ANKRD36: variants seen among roughly 807,000 people sequenced by gnomAD.
ANKRD36 encodes the protein ankyrin repeat domain-containing protein 36A.
A neutral mutation model predicts 278.1 loss-of-function variants in ANKRD36; 179 were observed. The ratio of observed to expected loss-of-function variants is 0.64; its 90% CI spans 0.57 to 0.73. The LOEUF (loss-of-function observed/expected upper bound fraction) is 0.73. Among genes scored for constraint, ANKRD36 ranks in the 30% least tolerant of loss-of-function variants. The pLI is 0.00. For synonymous variants in ANKRD36, 320 were observed against 641.1 expected, an observed-to-expected ratio of 0.50 and a Z score of 7.57; for missense variants, 1,159 against 1,956.7, an observed-to-expected ratio of 0.59 and a Z score of 7.69.
intron 56 of ANKRD36, among the ~76,000 whole-genome samples, chr2:97,210,878 C>T (rs1018929090): frequency 5.3e-5 from 8 of 151,902 alleles, no homozygotes; most frequent in African/African-American, 1.4e-4. Context: ...AATATATTAT[C>T]CTTTGGTGCC....
At chr2:97,179,635 C>T (rs6726706) in intron 22 of ANKRD36, 103 bp from the exon 23 acceptor site, 28,372 of 1,456,892 alleles carry the variant, frequency 0.019, 717 homozygotes, top group African/African-American at 0.095. Context: ...GTAATACAGG[C>T]AGGAGTACAA....
intron 16 of ANKRD36, 84 bp from the exon 17 acceptor site, chr2:97,158,504 G>A: frequency 7.0e-7 from 1 of 1,438,588 alleles, no homozygotes; most frequent in Non-Finnish European, 9.4e-7. Flanking sequence ...TGGGATTAAA[G>A]CTGTGAGCCC....
intron 22 of ANKRD36, among the ~76,000 whole-genome samples, chr2:97,169,785 C>G (rs532191952): frequency 4.6e-5 from 7 of 152,350 alleles, no homozygotes; most frequent in African/African-American, 1.7e-4. Context: ...TAAGAGAGGA[C>G]ACAAACAAAT....
intron 67 of ANKRD36, among the ~76,000 whole-genome samples, chr2:97,230,101 T>A (rs1365438105): frequency 3.3e-5 from 5 of 152,114 alleles, no homozygotes; most frequent in Non-Finnish European, 7.3e-5. Context: ...TTGGTGAATC[T>A]GACAATTATG....
intron 22 of ANKRD36, among the ~76,000 whole-genome samples, chr2:97,175,572 C>G (rs1005079796): frequency 1.3e-5 from 2 of 151,856 alleles, no homozygotes; most frequent in African/African-American, 4.8e-5. Flanking sequence ...TTTCAAAAAA[C>G]CAGCTCCTGG....
intron 67 of ANKRD36, among the ~76,000 whole-genome samples, chr2:97,228,175 CT>C (rs2070578240): frequency 6.6e-6 from 1 of 152,110 alleles, no homozygotes; most frequent in African/African-American, 2.4e-5. Flanking sequence ...AGGGTTCCCT[CT>C]TTTTCTATTG....
chr2:97,216,413 A>T (rs2065939689), intron 62 of ANKRD36, among the ~76,000 whole-genome samples: 1 of 152,046 alleles, frequency 6.6e-6, no homozygotes, highest in African/African-American at 2.4e-5. Context: ...TTGTGAATGT[A>T]AAACATATTA....
intron 62 of ANKRD36, chr2:97,216,510 C>G (rs1273582056): frequency 6.0e-6 from 1 of 167,062 alleles, no homozygotes; most frequent in African/African-American, 2.4e-5. Context: ...AATATATTAT[C>G]CTTTGGTGCC....
intron 67 of ANKRD36, among the ~76,000 whole-genome samples, chr2:97,227,587 T>C (rs1196777351): frequency 6.6e-6 from 1 of 152,118 alleles, no homozygotes; most frequent in African/African-American, 2.4e-5. Context: ...ACAATTTGAC[T>C]TCCTCTTTTC....
At chr2:97,124,011 A>T (rs1275036773) in intron 4 of ANKRD36, among the ~76,000 whole-genome samples, 1 of 149,990 alleles carries the variant, frequency 6.7e-6, no homozygotes, top group Non-Finnish European at 1.5e-5. Flanking sequence ...GCTTATCAGC[A>T]TCATTAACTG....
At chr2:97,222,259 C>T (rs531398023) in intron 66 of ANKRD36, among the ~76,000 whole-genome samples, 94 of 151,994 alleles carry the variant, frequency 6.2e-4, no homozygotes, top group Admixed American at 1.0e-3. Flanking sequence ...CTTGGCGATG[C>T]GGGCTCTTTT....
chr2:97,195,754 C>A (rs1317255963), intron 40 of ANKRD36, among the ~76,000 whole-genome samples: 1 of 151,922 alleles, frequency 6.6e-6, no homozygotes, highest in Non-Finnish European at 1.5e-5. Flanking sequence ...ATTCTAGAAA[C>A]AAAAATTATG....
intron 28 of ANKRD36, among the ~76,000 whole-genome samples, chr2:97,184,646 A>G (rs769842321): frequency 2.0e-5 from 3 of 151,668 alleles, no homozygotes; most frequent in African/African-American, 4.8e-5. Flanking sequence ...GATGAGGTTT[A>G]TATATTATAC....
chr2:97,150,480 A>C, intron 12 of ANKRD36, among the ~76,000 whole-genome samples: 1 of 152,282 alleles, frequency 6.6e-6, no homozygotes, highest in Non-Finnish European at 1.5e-5. Context: ...TGAATCAACA[A>C]ACAGGTAAAT....
chr2:97,206,614 A>G lies in ANKRD36; in HGVS notation c.3163+479A>G, dbSNP rs550246741. 7.3e-5 allele frequency among the ~76,000 whole-genome samples: 11 copies of G among 151,558 alleles called. 2 individuals carry two copies. The South Asian group carries it at 2.3e-3, about 32-fold the overall frequency. ...CGGATTGTGAGGCAGGAAGGTGTGA[A>G]AAGAAGAAGTCATTTATATAATTTT... On this transcript the variant is annotated intron_variant, in intron 52 of 75. Coordinates refer to ENST00000420699, the MANE Select transcript of ANKRD36 (RefSeq NM_001354587.1).
chr2:97,149,337 G>T lies in ANKRD36; in HGVS notation c.1077G>T (p.Glu359Asp), dbSNP rs1166107596. The T allele has an allele frequency of 6.5e-7, 1 of 1,533,628 alleles. No individual in the cohort carries two copies. Among genetic ancestry groups the T allele is most frequent in the Non-Finnish European group, 8.7e-7 (1 of 1,145,408 alleles). The change falls in exon 12 of 76, where the codon GAG becomes GAT. Residue 359 changes from glutamate (E) to aspartate (D), a missense_variant. Transcript: ENST00000420699. ...RPDAVAQPVT[E>D]NEFSLESEII... ...ATGCTGTTGCACAGCCTGTGACAGA[G>T]AATGAGTTTTCTTTGGAATCTGAGG...
Position 97,113,587 on chromosome 2 carries a change from C to T in ANKRD36, c.-153C>T. On this transcript the variant is annotated 5_prime_UTR_variant, in exon 1 of 76. Transcript: ENST00000420699. ...CGCGTGCTCGCTGGTTCTAACCCTT[C>T]TGTTGGGCGTTTCTGCTGAGAGGCG... 1 of 941,584 alleles carries T rather than the reference C, an allele frequency of 1.1e-6. No individual in the cohort carries two copies. The highest frequency in any genetic ancestry group is 1.6e-6 in the Non-Finnish European group (1 of 632,998). The allele number at this position is 941,584 out of a possible 1,614,324, so 58.3% of individuals were successfully genotyped here.
At chr2:97,203,959 T>A in intron 48 of ANKRD36, 109 bp from the exon 49 acceptor site, 1 of 1,479,814 alleles carries the variant, frequency 6.8e-7, no homozygotes, top group Non-Finnish European at 9.1e-7. Flanking sequence ...CATCAAAGCA[T>A]ACGCTAATAC....
intron 56 of ANKRD36, among the ~76,000 whole-genome samples, chr2:97,210,566 TTTTAG>T (rs1450755176): frequency 6.6e-6 from 1 of 151,838 alleles, no homozygotes; most frequent in Non-Finnish European, 1.5e-5. Context: ...GTTTTGTTGA[TTTTAG>T]TTATAAAAAT....
Sources: allele counts gnomAD v4.1 joint callset (sites outside exome capture counted in the v4.1 genomes callset), GRCh38; gene constraint gnomAD v4.1.1; transcripts MANE v1.5; gene names NCBI Gene and HGNC (gene_info 2026-07-23, HGNC 2026-07-21).